Variants in PDXDC1 observed in about 807,000 individuals in gnomAD.
PDXDC1 encodes pyridoxal-dependent decarboxylase domain-containing protein 1.
PDXDC1 carries 42 observed loss-of-function variants against 100.1 expected under a neutral mutation model. That is an observed-to-expected ratio of 0.42 (90% confidence interval 0.33 to 0.54). PDXDC1 has a LOEUF of 0.54. Among genes scored for constraint, PDXDC1 ranks in the 20% least tolerant of loss-of-function variants. PDXDC1 has a pLI of 0.10. For synonymous variants in PDXDC1, 260 were observed against 371.7 expected (o/e 0.70, Z 3.46); for missense variants, 636 against 979.2 (o/e 0.65, Z 4.68).
chr16:14,988,436 G>C, intron 1 of PDXDC1: 1 of 1,614,220 alleles, frequency 6.2e-7, no homozygotes, highest in Non-Finnish European at 8.5e-7. Flanking sequence ...CATGGGCCAG[G>C]ATGGCCTTGA....
At chr16:15,083,378 G>T (rs1452424509) in intron 16 of PDXDC1, 3 of 1,389,208 alleles carry the variant, frequency 2.2e-6, no homozygotes, top group East Asian at 5.3e-5. Context: ...CAGCTTGGGC[G>T]ACAGAGTGAG....
rs560022920 is a variant in PDXDC1 at position 15,092,420 on chromosome 16, T to C, written c.1400-46459T>C. 311 of 782,664 alleles carry C rather than the reference T, an allele frequency of 4.0e-4. 2 individuals are homozygous for C. The African/African-American group carries it at 4.7e-3, about 12-fold the overall frequency. 48.5% of individuals were successfully genotyped at this position (782,664 alleles called of 1,614,324 possible). ...TGATTTCAACTGGTATCTTAATTAA[T>C]CTTGCTATTTCTATTGGTCTTTAGT... On this transcript the variant is annotated intron_variant, in intron 16 of 16. Coordinates refer to the PDXDC1 transcript ENST00000535621.
In PDXDC1 at chr16:15,033,187, G is replaced by A. The variant is rs114353120; in HGVS notation, c.1691-91G>A. 1.5e-4 allele frequency: 217 copies of A among 1,411,060 alleles called. No homozygotes were observed. The African/African-American group carries it at 2.7e-3, about 18-fold the overall frequency. 87.4% of individuals were successfully genotyped at this position (1,411,060 alleles called of 1,614,324 possible). ...ATCTCCATGGAGGAGACCCCTTTGT[G>A]TGTGGTCAGGACCCTGAACAGGAGA... is the stretch of plus-strand genomic sequence containing the variant. On this transcript the variant is annotated intron_variant, in intron 18 of 22. Coordinates refer to ENST00000396410, the MANE Select transcript of PDXDC1 (RefSeq NM_015027.4).
At chr16:15,029,125 G>A (rs1321987652) in intron 15 of PDXDC1, 159 bp downstream of exon 15, 101 of 823,140 alleles carry the variant, frequency 1.2e-4, no homozygotes, top group Non-Finnish European at 1.9e-4. Flanking sequence ...TCCCCATTGC[G>A]TTACCACCTC....
At chr16:15,124,018 G>A (rs1457039490) in intron 16 of PDXDC1, among the ~76,000 whole-genome samples, 4 of 152,000 alleles carry the variant, frequency 2.6e-5, no homozygotes, top group Non-Finnish European at 4.4e-5. Flanking sequence ...TTTAAATTCT[G>A]AACCCAAATG....
At chr16:15,006,947 G>A (rs1236935366) in intron 6 of PDXDC1, among the ~76,000 whole-genome samples, 2 of 152,276 alleles carry the variant, frequency 1.3e-5, no homozygotes, top group Non-Finnish European at 2.9e-5. Context: ...ATTCCTTCAA[G>A]TGAATATATA....
At chr16:15,075,857 C>T (rs1450505138) in intron 16 of PDXDC1, among the ~76,000 whole-genome samples, 3 of 152,132 alleles carry the variant, frequency 2.0e-5, no homozygotes, top group Admixed American at 6.5e-5. Context: ...TGAGTACTGG[C>T]GGCCAATAGC....
intron 16 of PDXDC1, chr16:15,061,686 G>T: frequency 6.5e-7 from 1 of 1,536,412 alleles, no homozygotes; most frequent in South Asian, 1.2e-5. Flanking sequence ...TGGGTGCTGA[G>T]GGCATGACAA....
downstream of PDXDC1, among the ~76,000 whole-genome samples, chr16:15,143,105 C>T (rs919146990): frequency 1.9e-4 from 29 of 152,156 alleles, no homozygotes; most frequent in Non-Finnish European, 2.8e-4. Context: ...GGGGGCAGGA[C>T]GGTGCCCCAG....
chr16:15,142,772 C>G (rs1018636185), downstream of PDXDC1, among the ~76,000 whole-genome samples: 2 of 151,874 alleles, frequency 1.3e-5, no homozygotes, highest in African/African-American at 4.8e-5. Context: ...TCCTCTGCAC[C>G]CGCCAGGTGA....
At chr16:15,045,418 G>C (rs1234003443) in intron 16 of PDXDC1, 1 of 151,192 alleles carries the variant, frequency 6.6e-6, no homozygotes, top group Non-Finnish European at 1.5e-5. Context: ...AGTGAGCCAA[G>C]ATTGCATCAC....
chr16:15,095,159 G>C (rs1598040728), intron 16 of PDXDC1, among the ~76,000 whole-genome samples: 1 of 152,070 alleles, frequency 6.6e-6, no homozygotes, highest in East Asian at 1.9e-4. Flanking sequence ...TTTAAAAGAG[G>C]AACAGGAGTC....
chr16:15,027,116 C>T, intron 14 of PDXDC1, among the ~76,000 whole-genome samples: 1 of 152,298 alleles, frequency 6.6e-6, no homozygotes, highest in Non-Finnish European at 1.5e-5. Context: ...CCCCTGTCAA[C>T]TGACCTCTGA....
At chr16:15,092,704 G>T in intron 16 of PDXDC1, 1 of 894,432 alleles carries the variant, frequency 1.1e-6, no homozygotes, top group Non-Finnish European at 1.8e-6. Context: ...TAATTCAGTG[G>T]AACTATTGTT....
downstream of PDXDC1, among the ~76,000 whole-genome samples, chr16:15,141,896 G>A (rs139668052): frequency 2.6e-5 from 4 of 152,324 alleles, no homozygotes; most frequent in East Asian, 1.9e-4. Context: ...TAGACCTGAG[G>A]AGGGACTTTT....
chr16:15,145,706 T>G, the PDXDC1 span, among the ~76,000 whole-genome samples: 1 of 152,140 alleles, frequency 6.6e-6, no homozygotes, highest in Non-Finnish European at 1.5e-5. Flanking sequence ...AAGAGCGAGG[T>G]GTTCTGGGAA....
Position 14,988,942 on chromosome 16 carries a change from G to C in PDXDC1, c.22-8811G>C, listed in dbSNP as rs1315217613. Reference sequence around the variant, plus strand: ...AGCCCCGGCCACAGGTTCTCGGCGTGCATGGTGGCGTGCCCGCTGAAGCGG... The same window carrying C: ...AGCCCCGGCCACAGGTTCTCGGCGTCCATGGTGGCGTGCCCGCTGAAGCGG... On this transcript the variant is annotated intron_variant, in intron 1 of 22. Coordinates refer to ENST00000396410, the MANE Select transcript of PDXDC1 (RefSeq NM_015027.4). 3 of 1,613,628 alleles carry C rather than the reference G, an allele frequency of 1.9e-6. No individual in the cohort carries two copies. In the African/African-American group the frequency reaches 4.0e-5, roughly 22 times the overall value.
At chr16:15,032,332 C>G in intron 17 of PDXDC1, 1 of 184,846 alleles carries the variant, frequency 5.4e-6, no homozygotes, top group South Asian at 1.3e-4. Flanking sequence ...GCCCATGAGA[C>G]TTCCAGACCT....
At chr16:15,100,195 C>A (rs1468762358) in intron 16 of PDXDC1, among the ~76,000 whole-genome samples, 1 of 151,970 alleles carries the variant, frequency 6.6e-6, no homozygotes, top group Non-Finnish European at 1.5e-5. Flanking sequence ...AATGGTAGGG[C>A]GGATCCACAC....
Sources: allele counts gnomAD v4.1 joint callset (sites outside exome capture counted in the v4.1 genomes callset), GRCh38; gene constraint gnomAD v4.1.1; transcripts MANE v1.5; gene names NCBI Gene and HGNC (gene_info 2026-07-23, HGNC 2026-07-21).